The following NXPH2 variants were observed in gnomAD, a reference collection of about 807,000 sequenced individuals.
NXPH2 encodes neurexophilin 2, also known as neurexophilin-2.
A neutral mutation model predicts 19.8 loss-of-function variants in NXPH2; 5 were observed. That is an observed-to-expected ratio of 0.25 (90% CI 0.13 to 0.53). NXPH2 has a LOEUF of 0.53. Ranked by LOEUF, NXPH2 falls within the 20% of genes least tolerant of loss-of-function variation. NXPH2 has a pLI of 0.96. For synonymous variants in NXPH2, 154 were observed against 127.4 expected, an observed-to-expected ratio of 1.21 and a Z score of -1.41; for missense variants, 289 against 322.8, an observed-to-expected ratio of 0.90 and a Z score of 0.80.
intron 1 of NXPH2, among the ~76,000 whole-genome samples, chr2:138,701,955 T>C (rs1041380579): frequency 6.6e-6 from 1 of 152,148 alleles, no homozygotes; most frequent in Non-Finnish European, 1.5e-5. Flanking sequence ...CTGTCTATCA[T>C]AGGAGAGGTC....
At position 138,705,476 on chromosome 2, in the gene NXPH2, A is replaced by G. The variant is rs1388964593; in HGVS notation, c.52-33811T>C. ...TTATTTTGGCAGTCTAAAGACCCAG[A>G]GTGTCTTCTGTCTAATCCCTCTTAG... On this transcript the variant is annotated intron_variant, in intron 1 of 1. Coordinates refer to ENST00000272641, the MANE Select transcript of NXPH2 (RefSeq NM_007226.3). Among the ~76,000 whole-genome samples the G allele has an allele frequency of 3.3e-5, 5 of 152,180 alleles. 1 individual carries two copies. Among genetic ancestry groups the G allele is most frequent in the Non-Finnish European group, 7.4e-5 (5 of 68,024 alleles).
intron 1 of NXPH2, among the ~76,000 whole-genome samples, chr2:138,678,589 A>T (rs1680522035): frequency 6.6e-6 from 1 of 152,086 alleles, no homozygotes; most frequent in Admixed American, 6.6e-5. Flanking sequence ...GAATTTACAG[A>T]CTATTTCTAA....
intron 1 of NXPH2, among the ~76,000 whole-genome samples, chr2:138,682,504 T>C (rs763772235): frequency 6.6e-6 from 1 of 152,228 alleles, no homozygotes; most frequent in Non-Finnish European, 1.5e-5. Flanking sequence ...TTGTACCTAT[T>C]AATATTTTGT....
chr2:138,671,604 T>C lies in NXPH2; in HGVS notation c.113A>G (p.Asp38Gly), dbSNP rs191693384. The C allele has an allele frequency of 6.2e-7, 1 of 1,609,566 alleles. No individual in the cohort carries two copies. The highest frequency in any genetic ancestry group is 1.3e-5 in the African/African-American group (1 of 74,914). The change falls in exon 2 of 2, where the codon GAT becomes GGT. Residue 38 changes from aspartate to glycine, a missense_variant. Asp to Gly is a moderately conservative substitution (Grantham distance 94). Coordinates refer to ENST00000272641, the MANE Select transcript of NXPH2 (RefSeq NM_007226.3). ...GTTGCCGACCAACGTCCCTGGAGCATCTTTGTCTTCCCAATCCAGCCCCTC... is the reference window on the plus strand; with the variant it reads ...GTTGCCGACCAACGTCCCTGGAGCACCTTTGTCTTCCCAATCCAGCCCCTC... Reference protein sequence around the residue: ...ATEGLDWEDKDAPGTLVGNVV... With the variant: ...ATEGLDWEDKGAPGTLVGNVV...
chr2:138,684,735 T>C (rs1356497309), intron 1 of NXPH2, among the ~76,000 whole-genome samples: 1 of 152,216 alleles, frequency 6.6e-6, no homozygotes, highest in African/African-American at 2.4e-5. Flanking sequence ...AGCAAGCTCA[T>C]TGTCCTCTGG....
chr2:138,674,997 C>T (rs547248646), intron 1 of NXPH2, among the ~76,000 whole-genome samples: 58 of 152,324 alleles, frequency 3.8e-4, no homozygotes, highest in Non-Finnish European at 6.9e-4. Context: ...TCTTCCCTCA[C>T]TCCCACCTTC....
At chr2:138,718,389 TCAAACAAA>T (rs539939853) in intron 1 of NXPH2, among the ~76,000 whole-genome samples, 2 of 151,948 alleles carry the variant, frequency 1.3e-5, no homozygotes, top group Non-Finnish European at 2.9e-5. Context: ...GCAAAGATTG[TCAAACAAA>T]CAAACAAACA....
chr2:138,775,637 C>T (rs1260286465), intron 1 of NXPH2, among the ~76,000 whole-genome samples: 1 of 151,934 alleles, frequency 6.6e-6, no homozygotes, highest in African/African-American at 2.4e-5. Flanking sequence ...TAAACATATC[C>T]CAACTTAAAT....
chr2:138,718,118 G>A (rs1479398204), intron 1 of NXPH2, among the ~76,000 whole-genome samples: 1 of 151,932 alleles, frequency 6.6e-6, no homozygotes, highest in Non-Finnish European at 1.5e-5. Flanking sequence ...GAGGATGGAG[G>A]AGAGAATAAT....
intron 1 of NXPH2, among the ~76,000 whole-genome samples, chr2:138,745,379 A>G (rs983231155): frequency 1.3e-5 from 2 of 151,864 alleles, no homozygotes; most frequent in Non-Finnish European, 2.9e-5. Flanking sequence ...TGGATATGGA[A>G]TAGAATCTTT....
intron 1 of NXPH2, among the ~76,000 whole-genome samples, chr2:138,695,146 C>T (rs899803399): frequency 6.6e-6 from 1 of 152,114 alleles, no homozygotes; most frequent in Non-Finnish European, 1.5e-5. Flanking sequence ...ATGACTATAT[C>T]ATTGCCTGGT....
chr2:138,722,405 T>C (rs1681295427), intron 1 of NXPH2, among the ~76,000 whole-genome samples: 1 of 152,058 alleles, frequency 6.6e-6, no homozygotes, highest in South Asian at 2.1e-4. Flanking sequence ...CAAGGAAGTA[T>C]GTGTGGTTGG....
rs893498622 is a variant in NXPH2, at chr2:138,776,515, C to A, written c.51+3676G>T. Reference sequence around the variant, plus strand: ...GGAACCAAGGATTTAATTGTCTAATCTTAATTTTCATTTTTTAAAGTGTGT... The same window carrying A: ...GGAACCAAGGATTTAATTGTCTAATATTAATTTTCATTTTTTAAAGTGTGT... On this transcript the variant is annotated intron_variant, in intron 1 of 1. Coordinates refer to ENST00000272641, the MANE Select transcript of NXPH2 (RefSeq NM_007226.3). Among the ~76,000 whole-genome samples, 16 of 151,624 alleles carry A rather than the reference C, an allele frequency of 1.1e-4. 1 individual carries two copies. The highest frequency in any genetic ancestry group is 7.9e-4 in the Admixed American group (12 of 15,238).
At chr2:138,694,282 G>C (rs757007138) in intron 1 of NXPH2, among the ~76,000 whole-genome samples, 4 of 152,016 alleles carry the variant, frequency 2.6e-5, no homozygotes, top group African/African-American at 9.7e-5. Context: ...ATTTTGCCTC[G>C]GATTTTTCTT....
At chr2:138,699,086 TGTA>T in intron 1 of NXPH2, among the ~76,000 whole-genome samples, 1 of 152,204 alleles carries the variant, frequency 6.6e-6, no homozygotes, top group South Asian at 2.1e-4. Flanking sequence ...TGTATGTGAA[TGTA>T]TGTATGTACA....
At chr2:138,720,057 A>T (rs1438136116) in intron 1 of NXPH2, among the ~76,000 whole-genome samples, 1 of 152,128 alleles carries the variant, frequency 6.6e-6, no homozygotes, top group Non-Finnish European at 1.5e-5. Context: ...GAACTTTCAA[A>T]TCATTCAATC....
chr2:138,779,549 G>A (rs1243283221), intron 1 of NXPH2, among the ~76,000 whole-genome samples: 4 of 151,960 alleles, frequency 2.6e-5, no homozygotes, highest in African/African-American at 9.7e-5. Flanking sequence ...TGCCCGAGAG[G>A]GGGCTCCTGC....
chr2:138,672,122 A>T (rs1323393616), intron 1 of NXPH2, among the ~76,000 whole-genome samples: 1 of 152,204 alleles, frequency 6.6e-6, no homozygotes, highest in Non-Finnish European at 1.5e-5. Flanking sequence ...GGAAATATTA[A>T]GGGGATTATT....
chr2:138,733,829 T>A (rs929155569), intron 1 of NXPH2, among the ~76,000 whole-genome samples: 3 of 152,174 alleles, frequency 2.0e-5, no homozygotes, highest in Non-Finnish European at 2.9e-5. Flanking sequence ...CTGACCAGCA[T>A]CTGCAAGTGT....
Sources: allele counts gnomAD v4.1 joint callset (sites outside exome capture counted in the v4.1 genomes callset), GRCh38; gene constraint gnomAD v4.1.1; transcripts MANE v1.5; gene names NCBI Gene and HGNC (gene_info 2026-07-23, HGNC 2026-07-21).